PCDHAC2: variants seen among roughly 807,000 people sequenced by gnomAD.
The protein encoded by PCDHAC2 is protocadherin alpha subfamily C, 2, also known as protocadherin alpha-C2.
A neutral mutation model predicts 63.3 loss-of-function variants in PCDHAC2; 24 were observed. The observed-to-expected ratio is 0.38, with a 90% CI of 0.27 to 0.53. The LOEUF (loss-of-function observed/expected upper bound fraction) is 0.53, where lower values mean the gene tolerates loss of function less well. PCDHAC2 is among the 20% of genes least tolerant of loss of function. PCDHAC2 has a pLI of 0.81. For missense variants in PCDHAC2, 1,181 were observed against 1,275.2 expected, an observed-to-expected ratio of 0.93 and a Z score of 1.12; for synonymous variants, 569 against 529.4, an observed-to-expected ratio of 1.07 and a Z score of -1.03.
At chr5:141,009,482 C>T in intron 3 of PCDHAC2, 145 bp from the exon 4 acceptor site, 1 of 1,446,086 alleles carries the variant, frequency 6.9e-7, no homozygotes, top group Non-Finnish European at 9.1e-7. Flanking sequence ...TAAACACTTG[C>T]CTTGCCCTCA....
chr5:140,969,349 G>A lies in PCDHAC2; in HGVS notation c.2565+18G>A, dbSNP rs782345683. ...AAAATGAGGTGAGACAGTGGTCAGGGGGTCTTCTACAAACTCATGCATTTG... is the reference window on the plus strand; with the variant it reads ...AAAATGAGGTGAGACAGTGGTCAGGAGGTCTTCTACAAACTCATGCATTTG... On this transcript the variant is annotated intron_variant, in intron 1 of 3. Coordinates refer to ENST00000289269, the MANE Select transcript of PCDHAC2 (RefSeq NM_018899.6). 3.1e-5 allele frequency: 50 copies of A among 1,612,958 alleles called. No homozygotes were observed. Among genetic ancestry groups the A allele is most frequent in the Non-Finnish European group, 4.2e-5 (49 of 1,179,618 alleles).
intron 3 of PCDHAC2, among the ~76,000 whole-genome samples, chr5:140,992,707 C>T (rs1554253127): frequency 1.3e-5 from 2 of 152,056 alleles, no homozygotes; most frequent in Admixed American, 1.3e-4. Flanking sequence ...AATGTTCCTG[C>T]CAGTATTCGT....
intron 1 of PCDHAC2, among the ~76,000 whole-genome samples, chr5:140,978,369 A>G (rs1015473344): frequency 6.6e-6 from 1 of 152,196 alleles, no homozygotes; most frequent in Non-Finnish European, 1.5e-5. Flanking sequence ...CAAACTCTGC[A>G]ATAGTTTGTT....
intron 1 of PCDHAC2, among the ~76,000 whole-genome samples, chr5:140,970,591 T>G (rs1159349152): frequency 2.6e-5 from 4 of 152,150 alleles, no homozygotes; most frequent in African/African-American, 9.7e-5. Flanking sequence ...GAGATATGCT[T>G]TGTGATACTT....
intron 3 of PCDHAC2, among the ~76,000 whole-genome samples, chr5:140,988,083 G>A (rs957131929): frequency 1.3e-5 from 2 of 152,292 alleles, no homozygotes; most frequent in Middle Eastern, 3.4e-3. Context: ...TCATGAGTGA[G>A]TGCAGCCTCG....
chr5:141,006,535 G>A (rs1473022946), intron 3 of PCDHAC2, among the ~76,000 whole-genome samples: 1 of 152,118 alleles, frequency 6.6e-6, no homozygotes, highest in Non-Finnish European at 1.5e-5. Context: ...TTTTTAAAGA[G>A]AGACATTAAG....
At chr5:140,999,182 G>T (rs1285087964) in intron 3 of PCDHAC2, among the ~76,000 whole-genome samples, 4 of 152,204 alleles carry the variant, frequency 2.6e-5, no homozygotes, top group Non-Finnish European at 5.9e-5. Context: ...CTGATGGGGA[G>T]AGGGTCCTTG....
intron 3 of PCDHAC2, among the ~76,000 whole-genome samples, chr5:140,983,986 G>A (rs1475891501): frequency 2.0e-5 from 3 of 152,176 alleles, no homozygotes; most frequent in African/African-American, 7.2e-5. Context: ...ACGAGTTGAA[G>A]CAATTCATTA....
rs1554231120 is a variant in PCDHAC2 at position 140,968,813 on chromosome 5, A to G, written c.2047A>G (p.Arg683Gly). The G allele has an allele frequency of 6.2e-7, 1 of 1,614,194 alleles. No individual in the cohort carries two copies. The highest frequency in any genetic ancestry group is 1.1e-5 in the South Asian group (1 of 91,084). Residue 683 changes from arginine (R) to glycine (G), a missense_variant, in exon 1 of 4, where the codon AGG (arginine) becomes GGG (glycine). Transcript: ENST00000289269. The stretch of plus-strand genomic sequence containing the variant: ...GGCCATTACAGTAGCTGTGGTGGAT[A>G]GGGTTTCCAAAATCCTCCCTGACAC... Reference protein sequence around the residue: ...SVAITVAVVDRVSKILPDTQR... With the variant: ...SVAITVAVVDGVSKILPDTQR...
chr5:140,996,175 C>T (rs1296990069), intron 3 of PCDHAC2, among the ~76,000 whole-genome samples: 2 of 152,336 alleles, frequency 1.3e-5, no homozygotes, highest in Middle Eastern at 3.4e-3. Flanking sequence ...GTGCTGACAG[C>T]ACCTCCATTT....
chr5:140,966,946 C>G lies in PCDHAC2; in HGVS notation c.180C>G (p.Asn60Lys), dbSNP rs377699694. ...EEQAPGALVG[N>K]VARALGLELR... ...AGGCACCCGGCGCGCTCGTGGGCAA[C>G]GTGGCTCGCGCGCTGGGGCTTGAGC... The change falls in exon 1 of 4, where the codon AAC (asparagine) becomes AAG (lysine). Residue 60 changes from asparagine to lysine, a missense_variant. Coordinates refer to ENST00000289269, the MANE Select transcript of PCDHAC2 (RefSeq NM_018899.6). 3 of 1,603,368 alleles carry G rather than the reference C, an allele frequency of 1.9e-6. No individual in the cohort carries two copies. The highest frequency in any genetic ancestry group is 2.7e-5 in the African/African-American group (2 of 74,844).
chr5:140,967,594 G>A lies in PCDHAC2; in HGVS notation c.828G>A (p.Val276=). The change falls in exon 1 of 4, where the codon GTG becomes GTA. Residue 276 remains valine (V), a synonymous_variant. Coordinates refer to ENST00000289269, the MANE Select transcript of PCDHAC2 (RefSeq NM_018899.6). ...LREDSPPGTL[V]VKLNASDPDE... is the part of the protein sequence containing the mutation. ...AGGACTCACCCCCAGGCACATTGGT[G>A]GTGAAGCTGAATGCCTCAGACCCGG... 1 of 1,614,142 alleles carries A rather than the reference G, an allele frequency of 6.2e-7. No homozygotes were observed. Among genetic ancestry groups the A allele is most frequent in the Non-Finnish European group, 8.5e-7 (1 of 1,180,038 alleles).
intron 1 of PCDHAC2, 71 bp downstream of exon 1, chr5:140,969,402 T>C: frequency 6.3e-7 from 1 of 1,579,638 alleles, no homozygotes; most frequent in Non-Finnish European, 8.6e-7. Flanking sequence ...TCCTGTGATT[T>C]GGCTTTATTG....
chr5:140,993,562 C>G (rs1233872464), intron 3 of PCDHAC2, among the ~76,000 whole-genome samples: 3 of 150,520 alleles, frequency 2.0e-5, no homozygotes, highest in Non-Finnish European at 4.4e-5. Flanking sequence ...TATATAGTAT[C>G]CTTTCTAGGG....
In PCDHAC2 at chr5:141,005,964, A is replaced by G. The variant is rs189203283; in HGVS notation, c.2714-3663A>G. On this transcript the variant is annotated intron_variant, in intron 3 of 3. Transcript: ENST00000289269. The stretch of plus-strand genomic sequence containing the variant: ...CCTATCTCTAACAAACAACAATAAA[A>G]AAACAATTCCAAAGAGTGTTTGAGG... 1.8e-3 allele frequency among the ~76,000 whole-genome samples: 274 copies of G among 152,152 alleles called. 1 individual carries two copies. Among genetic ancestry groups the G allele is most frequent in the Middle Eastern group, 6.8e-3 (2 of 294 alleles).
At chr5:140,981,111 T>C (rs1275828842) in intron 2 of PCDHAC2, among the ~76,000 whole-genome samples, 3 of 152,232 alleles carry the variant, frequency 2.0e-5, no homozygotes, top group African/African-American at 2.4e-5. Context: ...GAATTTCTAC[T>C]GGATATGTTG....
intron 3 of PCDHAC2, among the ~76,000 whole-genome samples, chr5:141,004,400 G>A (rs183932833): frequency 7.4e-4 from 113 of 152,304 alleles, no homozygotes; most frequent in African/African-American, 2.7e-3. Flanking sequence ...TGTGGAGGAG[G>A]CACCTGACTA....
intron 3 of PCDHAC2, among the ~76,000 whole-genome samples, chr5:141,005,494 G>A (rs1554260099): frequency 2.0e-5 from 3 of 151,700 alleles, no homozygotes; most frequent in Non-Finnish European, 2.9e-5. Flanking sequence ...ATGAGGTCAG[G>A]AGATCGAGAC....
At chr5:140,993,817 T>C (rs1467199618) in intron 3 of PCDHAC2, among the ~76,000 whole-genome samples, 2 of 152,240 alleles carry the variant, frequency 1.3e-5, no homozygotes, top group Non-Finnish European at 2.9e-5. Context: ...CTAGGAGCAA[T>C]AGGCTATACC....
Sources: gnomAD v4.1 joint callset for allele counts (sites outside exome capture counted in the v4.1 genomes callset) on GRCh38, gnomAD v4.1.1 for gene constraint, MANE v1.5 for transcripts, NCBI Gene and HGNC (gene_info 2026-07-23, HGNC 2026-07-21) for gene names.